The following CACNB4 variants were observed in gnomAD, a reference collection of about 807,000 sequenced individuals.
CACNB4 encodes the protein calcium voltage-gated channel auxiliary subunit beta 4.
CACNB4 carries 32 observed loss-of-function variants against 71.2 expected under a neutral mutation model. The ratio of observed to expected loss-of-function variants is 0.45; its 90% CI spans 0.34 to 0.60. The LOEUF is 0.60. Ranked by LOEUF, CACNB4 falls within the 20% of genes least tolerant of loss-of-function variation. The probability of loss-of-function intolerance (pLI) is 0.01; values close to 1 mark genes in which losing one functional copy is unlikely to be tolerated. For missense variants in CACNB4, 464 were observed against 647.9 expected (o/e 0.72, Z 3.08); for synonymous variants, 231 against 236.9 (o/e 0.97, Z 0.23).
At chr2:152,066,173 T>C (rs1052549461) in intron 2 of CACNB4, among the ~76,000 whole-genome samples, 2 of 152,100 alleles carry the variant, frequency 1.3e-5, no homozygotes, top group African/African-American at 4.8e-5. Flanking sequence ...ACAGGTATAA[T>C]CAGACAGCAC....
chr2:151,896,707 T>C (rs2099852162), intron 2 of CACNB4, among the ~76,000 whole-genome samples: 1 of 152,232 alleles, frequency 6.6e-6, no homozygotes, highest in South Asian at 2.1e-4. Flanking sequence ...CTGCTAATTC[T>C]GTGTTCTGTG....
chr2:152,063,433 T>C (rs937419218), intron 2 of CACNB4, among the ~76,000 whole-genome samples: 2 of 152,174 alleles, frequency 1.3e-5, no homozygotes, highest in African/African-American at 2.4e-5. Context: ...GGTCCCACAG[T>C]TAGAAAACAG....
intron 2 of CACNB4, among the ~76,000 whole-genome samples, chr2:151,917,766 G>C (rs1488745107): frequency 6.6e-6 from 1 of 150,992 alleles, no homozygotes; most frequent in East Asian, 2.0e-4. Context: ...AACCCAGGAG[G>C]TGGAAGTGCA....
intron 2 of CACNB4, among the ~76,000 whole-genome samples, chr2:152,008,704 C>T (rs1395037335): frequency 1.3e-5 from 2 of 152,188 alleles, no homozygotes; most frequent in African/African-American, 4.8e-5. Flanking sequence ...CCCCCTTGCT[C>T]TCACTGCCAC....
At chr2:151,847,099 C>CAAAAAAA (rs397766580) in intron 12 of CACNB4, among the ~76,000 whole-genome samples, 2 of 79,780 alleles carry the variant, frequency 2.5e-5, no homozygotes, top group Non-Finnish European at 5.3e-5. Context: ...AAACTGACAC[C>CAAAAAAA]AAAAAAAAAA....
At chr2:151,944,604 C>T (rs552708555) in intron 2 of CACNB4, among the ~76,000 whole-genome samples, 1 of 152,164 alleles carries the variant, frequency 6.6e-6, no homozygotes, top group Admixed American at 6.5e-5. Context: ...CCAGCCTGGC[C>T]AACATGGAGA....
At chr2:151,975,761 A>G (rs951797359) in intron 2 of CACNB4, among the ~76,000 whole-genome samples, 2 of 152,248 alleles carry the variant, frequency 1.3e-5, no homozygotes, top group African/African-American at 4.8e-5. Flanking sequence ...CGGTATTTCA[A>G]CCAGAATCAA....
chr2:152,086,467 C>T (rs1032666917), intron 2 of CACNB4, among the ~76,000 whole-genome samples: 2 of 152,188 alleles, frequency 1.3e-5, no homozygotes, highest in Non-Finnish European at 2.9e-5. Context: ...AATTGAGAAG[C>T]ACCTGCCACA....
intron 2 of CACNB4, among the ~76,000 whole-genome samples, chr2:152,053,254 G>A (rs567223298): frequency 1.3e-5 from 2 of 152,108 alleles, no homozygotes; most frequent in East Asian, 1.9e-4. Context: ...GGAAGGGAGC[G>A]GGAGCTGTAA....
chr2:152,064,004 T>C (rs570782287), intron 2 of CACNB4, among the ~76,000 whole-genome samples: 42 of 152,252 alleles, frequency 2.8e-4, no homozygotes, highest in Middle Eastern at 3.2e-3. Context: ...TCTAAATTCA[T>C]TGTAATTCTC....
At chr2:152,015,757 C>A (rs758332376) in intron 2 of CACNB4, among the ~76,000 whole-genome samples, 1 of 152,184 alleles carries the variant, frequency 6.6e-6, no homozygotes, top group Non-Finnish European at 1.5e-5. Context: ...TAAACCTGCA[C>A]GGGCAGAAGC....
intron 3 of CACNB4, among the ~76,000 whole-genome samples, chr2:151,882,178 CCT>C: frequency 6.9e-6 from 1 of 144,046 alleles, no homozygotes; most frequent in Admixed American, 7.1e-5. Flanking sequence ...TGCACCGGCC[CCT>C]CTTTTTTTTT....
intron 2 of CACNB4, among the ~76,000 whole-genome samples, chr2:152,050,267 GC>G (rs1401751801): frequency 1.3e-5 from 2 of 152,162 alleles, no homozygotes; most frequent in African/African-American, 4.8e-5. Context: ...TGGCACACTG[GC>G]TGGTCAGAAA....
intron 2 of CACNB4, among the ~76,000 whole-genome samples, chr2:152,090,109 G>T (rs896286259): frequency 1.3e-5 from 2 of 152,248 alleles, no homozygotes; most frequent in Non-Finnish European, 2.9e-5. Flanking sequence ...CTTTGAGGAA[G>T]ATGAGTATGG....
intron 2 of CACNB4, among the ~76,000 whole-genome samples, chr2:151,987,359 G>A (rs1331169763): frequency 1.3e-5 from 2 of 152,146 alleles, no homozygotes; most frequent in East Asian, 3.8e-4. Context: ...GCTTGGTTGA[G>A]TTCAGAGAAC....
intron 2 of CACNB4, among the ~76,000 whole-genome samples, chr2:151,913,758 T>A (rs1460222227): frequency 1.3e-5 from 1 of 79,664 alleles, no homozygotes; most frequent in Non-Finnish European, 2.4e-5. Context: ...AGAGCGAGAC[T>A]CCATCTCAAA....
chr2:152,085,828 A>C (rs1329746620), intron 2 of CACNB4, among the ~76,000 whole-genome samples: 1 of 151,420 alleles, frequency 6.6e-6, no homozygotes, highest in East Asian at 1.9e-4. Context: ...AAAAAAAAAA[A>C]CAAACAAACA....
chr2:152,024,730 C>A (rs1470193207), intron 2 of CACNB4, among the ~76,000 whole-genome samples: 3 of 152,184 alleles, frequency 2.0e-5, no homozygotes, highest in African/African-American at 7.2e-5. Context: ...CCATTGTTTG[C>A]AACAATATGG....
chr2:152,045,055 A>C (rs1685081041), intron 2 of CACNB4, among the ~76,000 whole-genome samples: 2 of 152,164 alleles, frequency 1.3e-5, no homozygotes, highest in Non-Finnish European at 2.9e-5. Context: ...CTGGCTTACA[A>C]TTTCAAGCCA....
Sources: allele counts gnomAD v4.1 joint callset (sites outside exome capture counted in the v4.1 genomes callset), GRCh38; gene constraint gnomAD v4.1.1; transcripts MANE v1.5; gene names NCBI Gene and HGNC (gene_info 2026-07-23, HGNC 2026-07-21).